The following GNG7 variants were observed in gnomAD, a reference collection of about 807,000 sequenced individuals.
The protein encoded by GNG7 is guanine nucleotide-binding protein G(I)/G(S)/G(O) subunit gamma-7.
In GNG7, 1 loss-of-function variant was observed where a neutral mutation model predicts 4.0. The ratio of observed to expected loss-of-function variants is 0.25; its 90% CI spans 0.09 to 1.18. The LOEUF is 1.18. Among genes scored for constraint, GNG7 ranks in the 50% most tolerant of loss-of-function variants. The pLI, the probability that GNG7 is intolerant of heterozygous loss-of-function variation, is 0.50. For missense variants in GNG7, 86 were observed against 91.9 expected (o/e 0.94, Z 0.26); for synonymous variants, 34 against 36.9 (o/e 0.92, Z 0.29).
intron 1 of GNG7, among the ~76,000 whole-genome samples, chr19:2,669,199 C>T (rs1374399619): frequency 1.3e-5 from 2 of 152,146 alleles, no homozygotes; most frequent in African/African-American, 4.8e-5. Context: ...AATCAGAAAA[C>T]TACCGCTGTG....
At chr19:2,695,345 C>T (rs1002738282) in intron 1 of GNG7, among the ~76,000 whole-genome samples, 2 of 152,128 alleles carry the variant, frequency 1.3e-5, no homozygotes, top group Admixed American at 6.5e-5. Flanking sequence ...CACACAGGCC[C>T]GAGGCCCCCA....
intron 2 of GNG7, among the ~76,000 whole-genome samples, chr19:2,599,716 C>T (rs750039230): frequency 7.2e-5 from 11 of 152,148 alleles, no homozygotes; most frequent in Non-Finnish European, 1.2e-4. Context: ...GCAGGCGGAT[C>T]ACCTGCGGTC....
intron 4 of GNG7, among the ~76,000 whole-genome samples, chr19:2,520,238 A>G (rs1052294920): frequency 4.6e-5 from 7 of 152,216 alleles, no homozygotes; most frequent in Non-Finnish European, 7.3e-5. Flanking sequence ...TAGATACGAC[A>G]TGCAGTCTCC....
At position 2,546,302 on chromosome 19, in the gene GNG7, T is replaced by C. The variant is rs1010380103; in HGVS notation, c.-38+8847A>G. ...CTGCACCCAGCGTGGGCACCCACCC[T>C]GCACCTGCAGCCTCTCCAGGGCCAG... On this transcript the variant is annotated intron_variant, in intron 3 of 4. Transcript: ENST00000382159. The surrounding 1 kb of genome is among the most constrained non-coding windows in gnomAD (Gnocchi z 6.3). Among the ~76,000 whole-genome samples, 2 of 152,228 alleles carry C rather than the reference T, an allele frequency of 1.3e-5. No homozygotes were observed. Among genetic ancestry groups the C allele is most frequent in the Admixed American group, 6.5e-5 (1 of 15,280 alleles).
chr19:2,553,406 A>ATG (rs1555693133), intron 3 of GNG7, among the ~76,000 whole-genome samples: 1 of 147,212 alleles, frequency 6.8e-6, no homozygotes, highest in African/African-American at 2.5e-5. Context: ...ACATATATAT[A>ATG]TGTAATATAC....
At chr19:2,696,090 G>A (rs1020093491) in intron 1 of GNG7, among the ~76,000 whole-genome samples, 1 of 151,232 alleles carries the variant, frequency 6.6e-6, no homozygotes, top group African/African-American at 2.4e-5. Context: ...CTGGGAGGTG[G>A]AGGTTGCAGT....
chr19:2,673,257 C>CAAAAAAAAAAAAA (rs754605877), intron 1 of GNG7, among the ~76,000 whole-genome samples: 36 of 108,142 alleles, frequency 3.3e-4, no homozygotes, highest in Non-Finnish European at 5.2e-4. Context: ...GATTCCATCT[C>CAAAAAAAAAAAAA]AAAAAAAAAA....
intron 2 of GNG7, 55 bp from the exon 3 acceptor site, chr19:2,555,243 C>T (rs1323235316): frequency 6.6e-6 from 1 of 152,138 alleles, no homozygotes; most frequent in Non-Finnish European, 1.5e-5. Flanking sequence ...TTTTTACTTA[C>T]AAGGAACTCA....
At chr19:2,522,639 C>A (rs1214816666) in intron 3 of GNG7, among the ~76,000 whole-genome samples, 3 of 149,660 alleles carry the variant, frequency 2.0e-5, no homozygotes, top group African/African-American at 7.4e-5. Context: ...GTAGTCCCAG[C>A]TACTCGGGAG....
In GNG7 at chr19:2,512,373, T is replaced by C; in HGVS notation, c.*2649A>G. The C allele has an allele frequency of 1.0e-6, 1 of 983,494 alleles. No individual in the cohort carries two copies. The highest frequency in any genetic ancestry group is 1.2e-6 in the Non-Finnish European group (1 of 828,586). 60.9% of individuals were successfully genotyped at this position (983,494 alleles called of 1,614,324 possible). ...CTCAAGAAAAAAAAAAGTGGAGAATTTTTTTTTTAATCCCCCAAGCTAGAA... is the reference window on the plus strand; with the variant it reads ...CTCAAGAAAAAAAAAAGTGGAGAATCTTTTTTTTAATCCCCCAAGCTAGAA... On this transcript the variant is annotated 3_prime_UTR_variant, in exon 5 of 5. Coordinates refer to ENST00000382159, the MANE Select transcript of GNG7 (RefSeq NM_052847.3). This position sits in a 1 kb window ranked among gnomAD's most constrained non-coding sequence, Gnocchi z 4.7.
At chr19:2,531,641 GGC>G (rs1978590015) in intron 3 of GNG7, among the ~76,000 whole-genome samples, 5 of 151,562 alleles carry the variant, frequency 3.3e-5, no homozygotes, top group South Asian at 2.1e-4. Flanking sequence ...CTTGGTGGCA[GGC>G]ACCTGTAGTC....
intron 4 of GNG7, among the ~76,000 whole-genome samples, chr19:2,519,476 T>TG (rs1460650908): frequency 6.6e-6 from 1 of 151,672 alleles, no homozygotes; most frequent in Non-Finnish European, 1.5e-5. Flanking sequence ...TTTGTAGAGA[T>TG]GGGGTCTTGC....
chr19:2,664,733 CATTTTTTTG>C (rs1983262259), intron 1 of GNG7, among the ~76,000 whole-genome samples: 3 of 152,046 alleles, frequency 2.0e-5, no homozygotes, highest in Non-Finnish European at 4.4e-5. Context: ...GGAGCAAACT[CATTTTTTTG>C]CCAGTTAATG....
chr19:2,685,565 CA>C, intron 1 of GNG7, among the ~76,000 whole-genome samples: 1 of 152,252 alleles, frequency 6.6e-6, no homozygotes. Context: ...GCAGAGGCTG[CA>C]GGGAGCTGTG....
chr19:2,636,317 C>G (rs987406516), intron 2 of GNG7, among the ~76,000 whole-genome samples: 4 of 152,176 alleles, frequency 2.6e-5, no homozygotes, highest in Admixed American at 6.5e-5. Context: ...TCCAGGCCCT[C>G]TGCCCGCCAG....
chr19:2,514,555 A>G lies in GNG7; in HGVS notation c.*467T>C, dbSNP rs1241283818. The G allele has an allele frequency of 6.5e-6, 1 of 153,530 alleles. No individual in the cohort carries two copies. Among genetic ancestry groups the G allele is most frequent in the Admixed American group, 6.5e-5 (1 of 15,450 alleles). 9.5% of individuals were successfully genotyped at this position (153,530 alleles called of 1,614,324 possible). A position where few individuals can be genotyped will look rare whatever the true frequency, so the allele number is the denominator to read the frequency against. Reference sequence around the variant, plus strand: ...TCAATTTTACCTCTACTTAAAAACAACACAAAGCATTCCAGTGACCCTATG... The same window carrying G: ...TCAATTTTACCTCTACTTAAAAACAGCACAAAGCATTCCAGTGACCCTATG... On this transcript the variant is annotated 3_prime_UTR_variant, in exon 5 of 5. Transcript: ENST00000382159.
chr19:2,543,092 A>AT (rs1979016772), intron 3 of GNG7, among the ~76,000 whole-genome samples: 2 of 149,474 alleles, frequency 1.3e-5, no homozygotes. Context: ...TTTTATTTTT[A>AT]TTTTTTTGTA....
intron 3 of GNG7, among the ~76,000 whole-genome samples, chr19:2,522,451 G>C (rs1242490377): frequency 6.6e-6 from 1 of 152,094 alleles, no homozygotes; most frequent in East Asian, 1.9e-4. Context: ...AGATTCCAGA[G>C]TTCTCAAAAA....
Position 2,661,166 on chromosome 19 carries a change from G to A in GNG7, c.-134-14886C>T, listed in dbSNP as rs149766074. On this transcript the variant is annotated intron_variant, in intron 1 of 4. Coordinates refer to ENST00000382159, the MANE Select transcript of GNG7 (RefSeq NM_052847.3). The stretch of plus-strand genomic sequence containing the variant: ...GCGGAGGTTGCAGTGAGCCAAGATC[G>A]TGCCACTGCACTCCAGCCTGGGCAA... Among the ~76,000 whole-genome samples, 584 of 142,762 alleles carry A rather than the reference G, an allele frequency of 4.1e-3. 3 individuals are homozygous for A. Among genetic ancestry groups the A allele is most frequent in the Middle Eastern group, 0.025 (6 of 242 alleles). 93.7% of individuals were successfully genotyped at this position (142,762 alleles called of 152,430 possible).
Sources: gnomAD v4.1 joint callset for allele counts (sites outside exome capture counted in the v4.1 genomes callset) on GRCh38, gnomAD v4.1.1 for gene constraint, Gnocchi (gnomAD v3.1) non-coding constraint, MANE v1.5 for transcripts, NCBI Gene and HGNC (gene_info 2026-07-23, HGNC 2026-07-21) for gene names.